The following MTMR8 variants were observed in gnomAD, a reference collection of about 807,000 sequenced individuals.
The protein encoded by MTMR8 is phosphatidylinositol-3,5-bisphosphate 3-phosphatase MTMR8.
In MTMR8, 65 loss-of-function variants were observed where a neutral mutation model predicts 39.3. The observed-to-expected ratio is 1.65, with a 90% CI of 1.35 to 2.03. MTMR8 has a LOEUF of 2.03. Ranked by LOEUF, MTMR8 falls within the 30% of genes most tolerant of loss-of-function variation. The probability of loss-of-function intolerance (pLI) is 0.00; values close to 1 mark genes in which losing one functional copy is unlikely to be tolerated. For synonymous variants in MTMR8, 245 were observed against 185.2 expected (o/e 1.32, Z -2.62); for missense variants, 777 against 538.9 (o/e 1.44, Z -4.37).
intron 3 of MTMR8, 53 bp downstream of exon 3, chrX:64,356,123 C>A: frequency 8.9e-7 from 1 of 1,128,736 alleles, no homozygotes; most frequent in Non-Finnish European, 1.2e-6. Context: ...TTCCATTATG[C>A]CATTTTGGAA....
At chrX:64,392,601 T>TG (rs372467878) in intron 1 of MTMR8, among the ~76,000 whole-genome samples, 1 of 110,429 alleles carries the variant, frequency 9.1e-6, no homozygotes, top group African/African-American at 3.4e-5. Context: ...TTTGTTTGTT[T>TG]TTTGTTTTTG....
At chrX:64,277,340 T>C (rs1029822740) in intron 12 of MTMR8, among the ~76,000 whole-genome samples, 11 of 112,270 alleles carry the variant, frequency 9.8e-5, no homozygotes, top group African/African-American at 3.2e-4. Context: ...TTCATAGTGC[T>C]GATGGTCTTT....
chrX:64,317,128 A>AT (rs2147214034), intron 12 of MTMR8, among the ~76,000 whole-genome samples: 1 of 110,322 alleles, frequency 9.1e-6, no homozygotes, highest in Non-Finnish European at 1.9e-5. Context: ...AAAAAAAAAA[A>AT]AGAATATTTT....
chrX:64,295,239 GACAC>G (rs374084522), intron 12 of MTMR8, among the ~76,000 whole-genome samples: 11 of 105,982 alleles, frequency 1.0e-4, no homozygotes, highest in Non-Finnish European at 1.8e-4. Flanking sequence ...AGATGTTTCT[GACAC>G]ACACACACAC....
chrX:64,324,524 G>T (rs1385967223), intron 12 of MTMR8, among the ~76,000 whole-genome samples: 1 of 109,854 alleles, frequency 9.1e-6, no homozygotes, highest in Non-Finnish European at 1.9e-5. Flanking sequence ...TCTCTACAAA[G>T]AAATTAAACA....
At chrX:64,302,823 C>G (rs920535967) in intron 12 of MTMR8, among the ~76,000 whole-genome samples, 1 of 112,342 alleles carries the variant, frequency 8.9e-6, no homozygotes, top group Non-Finnish European at 1.9e-5. Flanking sequence ...CAAGCTGCTG[C>G]TGGTCTTCAG....
intron 12 of MTMR8, among the ~76,000 whole-genome samples, chrX:64,297,709 T>C (rs1921668749): frequency 9.4e-6 from 1 of 106,432 alleles, no homozygotes. Flanking sequence ...GTTTTTATGG[T>C]TTTAGGTCTA....
At chrX:64,391,581 T>A (rs1424217695) in intron 1 of MTMR8, among the ~76,000 whole-genome samples, 1 of 112,100 alleles carries the variant, frequency 8.9e-6, no homozygotes, top group Admixed American at 9.5e-5. Context: ...CATATCCATA[T>A]CCAGTTATGT....
chrX:64,342,121 A>G (rs1923234030), intron 8 of MTMR8, among the ~76,000 whole-genome samples: 1 of 112,156 alleles, frequency 8.9e-6, no homozygotes, highest in Non-Finnish European at 1.9e-5. Flanking sequence ...ACATGATCAG[A>G]CATGTTCAAG....
At position 64,348,616 on chromosome X, in the gene MTMR8, T is replaced by A. The variant is rs756115589; in HGVS notation, c.732+44A>T. 6.7e-6 allele frequency: 8 copies of A among 1,199,237 alleles called. No homozygotes were observed. The Admixed American group carries it at 1.1e-4, about 16-fold the overall frequency. On this transcript the variant is annotated intron_variant, in intron 6 of 13. Coordinates refer to ENST00000374852, the MANE Select transcript of MTMR8 (RefSeq NM_017677.4). ...TGTCTCAATATATGAGGAGGTAGAATGCAAGAGGCAGAAATATCAAAGAAA... is the reference window on the plus strand; with the variant it reads ...TGTCTCAATATATGAGGAGGTAGAAAGCAAGAGGCAGAAATATCAAAGAAA...
At chrX:64,322,755 C>T (rs1284820604) in intron 12 of MTMR8, among the ~76,000 whole-genome samples, 4 of 112,303 alleles carry the variant, frequency 3.6e-5, no homozygotes, top group Non-Finnish European at 7.5e-5. Context: ...ATTCCCCAGC[C>T]AAGCTGTTAC....
chrX:64,392,524 C>T (rs1004073821), intron 1 of MTMR8, among the ~76,000 whole-genome samples: 14 of 111,558 alleles, frequency 1.3e-4, no homozygotes, highest in African/African-American at 4.2e-4. Context: ...GTAGTTTACC[C>T]TTGGGAGGGG....
At chrX:64,357,313 T>A (rs1437139831) in intron 2 of MTMR8, among the ~76,000 whole-genome samples, 1 of 111,683 alleles carries the variant, frequency 9.0e-6, no homozygotes, top group African/African-American at 3.3e-5. Context: ...ATCACCTCAA[T>A]GCCCCAGTCC....
chrX:64,349,697 A>G (rs1045506880), intron 5 of MTMR8, among the ~76,000 whole-genome samples: 3 of 112,036 alleles, frequency 2.7e-5, no homozygotes, highest in African/African-American at 3.2e-5. Flanking sequence ...AGAAAAGGAA[A>G]AAAAGAAAAA....
chrX:64,350,129 T>A (rs1489888498), intron 4 of MTMR8, 59 bp from the exon 5 acceptor site: 1 of 713,822 alleles, frequency 1.4e-6, no homozygotes. Flanking sequence ...TATATAACTG[T>A]CTCTTTGGAA....
At chrX:64,343,153 A>G (rs912647487) in intron 8 of MTMR8, among the ~76,000 whole-genome samples, 1 of 111,782 alleles carries the variant, frequency 8.9e-6, no homozygotes, top group African/African-American at 3.3e-5. Context: ...TTTCACACCC[A>G]CCCTTGTACT....
chrX:64,357,972 A>T (rs1193519886), intron 2 of MTMR8, among the ~76,000 whole-genome samples: 1 of 111,291 alleles, frequency 9.0e-6, no homozygotes, highest in Non-Finnish European at 1.9e-5. Context: ...TTGGGTAAAT[A>T]AGCCTCCTTT....
intron 12 of MTMR8, among the ~76,000 whole-genome samples, chrX:64,304,690 G>A (rs1191869830): frequency 9.4e-6 from 1 of 106,046 alleles, no homozygotes; most frequent in Non-Finnish European, 1.9e-5. Flanking sequence ...GCCTAAATAA[G>A]CATTCATGTA....
In MTMR8 at chrX:64,331,607, G is replaced by A. The variant is rs141367973; in HGVS notation, c.1302C>T (p.Cys434=). 9.1e-6 allele frequency: 11 copies of A among 1,208,332 alleles called. No homozygotes were observed. The highest frequency in any genetic ancestry group is 2.3e-4 in the Middle Eastern group (1 of 4,368). ...LLEIHDHVFS[C]QFGNFLGNCQ... ...AGTTACCAAGGAAGTTTCCAAACTG[G>A]CAGGAGAAAACATGGTCATGAATCT... The change falls in exon 11 of 14, where the codon TGC becomes TGT. Residue 434 remains cysteine, a synonymous_variant. Transcript: ENST00000374852.
Sources: gnomAD v4.1 joint callset for allele counts (sites outside exome capture counted in the v4.1 genomes callset) on GRCh38, gnomAD v4.1.1 for gene constraint, MANE v1.5 for transcripts, NCBI Gene and HGNC (gene_info 2026-07-23, HGNC 2026-07-21) for gene names.